Variants in DNAI4 observed in about 807,000 individuals in gnomAD.
DNAI4 encodes the protein WD repeat domain 78.
In DNAI4, 85 loss-of-function variants were observed where a neutral mutation model predicts 105.8. The ratio of observed to expected loss-of-function variants is 0.80; its 90% CI spans 0.67 to 0.96. The LOEUF (loss-of-function observed/expected upper bound fraction) is 0.96, where lower values mean the gene tolerates loss of function less well. DNAI4 is among the 40% of genes least tolerant of loss of function. DNAI4 has a pLI of 0.00. For missense variants in DNAI4, 1,014 were observed against 1,005.6 expected, an observed-to-expected ratio of 1.01 and a Z score of -0.11; for synonymous variants, 352 against 331.5, an observed-to-expected ratio of 1.06 and a Z score of -0.67.
At chr1:66,899,086 G>A (rs538379619) in intron 2 of DNAI4, among the ~76,000 whole-genome samples, 4 of 152,272 alleles carry the variant, frequency 2.6e-5, no homozygotes, top group African/African-American at 9.6e-5. Context: ...ATACCCTTGT[G>A]TGTGGAAATA....
chr1:66,914,712 A>C (rs536589316), intron 1 of DNAI4, among the ~76,000 whole-genome samples: 1 of 152,172 alleles, frequency 6.6e-6, no homozygotes, highest in East Asian at 1.9e-4. Context: ...ATAGGAAAAA[A>C]TGAAAAAAAA....
intron 4 of DNAI4, among the ~76,000 whole-genome samples, chr1:66,886,530 C>G (rs987588166): frequency 6.6e-6 from 1 of 152,072 alleles, no homozygotes; most frequent in East Asian, 1.9e-4. Context: ...GTATCAAAAC[C>G]TTTCTTGTTT....
rs182487292 is a variant in DNAI4, at chr1:66,835,238, A to G, written c.1733+388T>C. ...TAGATAGATAGATAGATAGATAGAT[A>G]GATAAGATAGATTTACATATATACA... On this transcript the variant is annotated intron_variant, in intron 11 of 16. Transcript: ENST00000371026. Among the ~76,000 whole-genome samples, 135 of 148,286 alleles carry G rather than the reference A, an allele frequency of 9.1e-4. 3 individuals are homozygous for G. The highest frequency in any genetic ancestry group is 5.8e-4 in the East Asian group (3 of 5,174).
chr1:66,893,383 G>T lies in DNAI4; in HGVS notation c.376C>A (p.Pro126Thr). ...VFDINGTDVT[P>T]RPLYHPDPLT... ...GGATCTGGATGGTAAAGAGGTCGGG[G>T]AGTAACATCAGTTCCATTTATGTCA... The change falls in exon 3 of 17, where the codon CCC becomes ACC. Residue 126 changes from proline to threonine, a missense_variant. By Grantham distance (38) the Pro-to-Thr change is conservative (BLOSUM62 -1). Coordinates refer to ENST00000371026, the MANE Select transcript of DNAI4 (RefSeq NM_024763.5). 6.3e-7 allele frequency: 1 copy of T among 1,583,996 alleles called. No individual in the cohort carries two copies.
intron 3 of DNAI4, among the ~76,000 whole-genome samples, chr1:66,892,843 G>T (rs1647781007): frequency 6.6e-6 from 1 of 151,652 alleles, no homozygotes; most frequent in Admixed American, 6.6e-5. Context: ...GGGAGGTGGA[G>T]GTTGCAGTGA....
chr1:66,866,616 A>G (rs1173724406), intron 6 of DNAI4, among the ~76,000 whole-genome samples: 13 of 152,140 alleles, frequency 8.5e-5, no homozygotes, highest in Admixed American at 8.5e-4. Flanking sequence ...TTTGTTTCAC[A>G]GTTGGTTTTG....
At chr1:66,873,852 CTTT>C (rs749140367) in intron 5 of DNAI4, among the ~76,000 whole-genome samples, 2 of 110,192 alleles carry the variant, frequency 1.8e-5, no homozygotes, top group Non-Finnish European at 3.6e-5. Flanking sequence ...TCCCTCTTTC[CTTT>C]TTTTTTTTTT....
intron 8 of DNAI4, among the ~76,000 whole-genome samples, chr1:66,845,839 C>CGTGT (rs143467352): frequency 0.1 from 11,702 of 115,194 alleles, 534 homozygotes; most frequent in South Asian, 0.19. Flanking sequence ...CAGAGCAATG[C>CGTGT]GTGTGTGTGT....
In DNAI4 at chr1:66,924,811, G is replaced by A. The variant is rs754598952; in HGVS notation, c.21C>T (p.Ser7=). ...CGTTAGCGGCTCGGGCCGAGGCTCCGGAATGTTTGCCGGGCGTCATGGCGA... is the reference window on the plus strand; with the variant it reads ...CGTTAGCGGCTCGGGCCGAGGCTCCAGAATGTTTGCCGGGCGTCATGGCGA... MTPGKH[S]GASARAANGG... is the part of the protein sequence containing the mutation. Residue 7 remains serine (S), a synonymous_variant, in exon 1 of 17, where the codon TCC becomes TCT. Coordinates refer to ENST00000371026, the MANE Select transcript of DNAI4 (RefSeq NM_024763.5). 5.0e-6 allele frequency: 8 copies of A among 1,614,062 alleles called. No homozygotes were observed. The highest frequency in any genetic ancestry group is 1.3e-5 in the African/African-American group (1 of 75,056).
At chr1:66,893,063 GAGAAAGAAAGAAAGAAAGAAAGAA>G (rs768595484) in intron 3 of DNAI4, among the ~76,000 whole-genome samples, 142 bp downstream of exon 3, 6 of 89,538 alleles carry the variant, frequency 6.7e-5, no homozygotes, top group African/African-American at 4.9e-5. Flanking sequence ...AAGAGAGAGA[GAGAAAGAAAGAAAGAAAGAAAGAA>G]AGAAAGAAAG....
At chr1:66,895,239 G>A (rs902039310) in intron 2 of DNAI4, among the ~76,000 whole-genome samples, 4 of 152,228 alleles carry the variant, frequency 2.6e-5, no homozygotes, top group African/African-American at 9.6e-5. Flanking sequence ...AGTGCTCTGG[G>A]AGGTCAAGGC....
chr1:66,922,114 C>T (rs762602649), intron 1 of DNAI4, among the ~76,000 whole-genome samples: 99 of 152,006 alleles, frequency 6.5e-4, no homozygotes, highest in Non-Finnish European at 1.1e-3. Context: ...TGGTTGTGGA[C>T]TCCCAAGCTC....
At position 66,871,394 on chromosome 1, in the gene DNAI4, C is replaced by T. The variant is rs760796484; in HGVS notation, c.916G>A (p.Asp306Asn). ...CCTTTATCTTCCATTATGATTTTATCACATTGAACATCTTTATTCTTTGGT... is the reference window on the plus strand; with the variant it reads ...CCTTTATCTTCCATTATGATTTTATTACATTGAACATCTTTATTCTTTGGT... ...GAPKNKDVQC[D>N]KIIMEDKGIM... Residue 306 changes from aspartate to asparagine, a missense_variant, in exon 6 of 17, where the codon GAT (aspartate) becomes AAT (asparagine). Transcript: ENST00000371026. The T allele has an allele frequency of 6.2e-7, 1 of 1,608,812 alleles. No homozygotes were observed. The highest frequency in any genetic ancestry group is 1.3e-5 in the African/African-American group (1 of 74,804).
At chr1:66,827,762 T>G (rs745821939) in intron 14 of DNAI4, 50 bp downstream of exon 14, 1 of 1,147,994 alleles carries the variant, frequency 8.7e-7, no homozygotes, top group Non-Finnish European at 1.2e-6. Context: ...ATGGTACTGT[T>G]TTTTCAGAAA....
At chr1:66,891,100 C>T in intron 4 of DNAI4, 54 bp downstream of exon 4, 5 of 1,260,118 alleles carry the variant, frequency 4.0e-6, no homozygotes, top group Non-Finnish European at 5.8e-6. Context: ...CAATAATAAG[C>T]ATATTGACTA....
intron 6 of DNAI4, among the ~76,000 whole-genome samples, chr1:66,865,433 A>G (rs1032201171): frequency 6.6e-6 from 1 of 152,172 alleles, no homozygotes; most frequent in African/African-American, 2.4e-5. Flanking sequence ...CAAAACAACA[A>G]CAACAACAAA....
At chr1:66,839,748 T>C (rs1377435957) in intron 9 of DNAI4, among the ~76,000 whole-genome samples, 1 of 152,226 alleles carries the variant, frequency 6.6e-6, no homozygotes, top group African/African-American at 2.4e-5. Context: ...ATTCATCTTA[T>C]TTGCCTCAAG....
Position 66,847,691 on chromosome 1 carries a change from A to T in DNAI4, c.1097-13T>A. The T allele has an allele frequency of 6.5e-7, 1 of 1,542,400 alleles. No individual in the cohort carries two copies. On this transcript the variant is annotated splice_polypyrimidine_tract_variant and intron_variant, in intron 7 of 16. Coordinates refer to ENST00000371026, the MANE Select transcript of DNAI4 (RefSeq NM_024763.5). Reference sequence around the variant, plus strand: ...CTAGTTTCACTATCTACAAAATACAAACATGATACAATGATAAAATATTCA... The same window carrying T: ...CTAGTTTCACTATCTACAAAATACATACATGATACAATGATAAAATATTCA...
At chr1:66,855,090 C>G (rs932054148) in intron 7 of DNAI4, among the ~76,000 whole-genome samples, 6 of 152,170 alleles carry the variant, frequency 3.9e-5, no homozygotes, top group Admixed American at 3.3e-4. Flanking sequence ...CAACTGCCTC[C>G]TTAACAAAGC....
Sources: allele counts gnomAD v4.1 joint callset (sites outside exome capture counted in the v4.1 genomes callset), GRCh38; gene constraint gnomAD v4.1.1; transcripts MANE v1.5; gene names NCBI Gene and HGNC (gene_info 2026-07-23, HGNC 2026-07-21).